The following NPEPPS variants were observed in gnomAD, a reference collection of about 807,000 sequenced individuals.
The protein encoded by NPEPPS is aminopeptidase puromycin sensitive, also known as puromycin-sensitive aminopeptidase.
In NPEPPS, 14 loss-of-function variants were observed where a neutral mutation model predicts 115.5. The observed-to-expected ratio is 0.12, with a 90% confidence interval of 0.08 to 0.19. The LOEUF (loss-of-function observed/expected upper bound fraction) is 0.19, where lower values mean the gene tolerates loss of function less well. NPEPPS is among the 10% of genes least tolerant of loss of function. The pLI is 1.00. For missense variants in NPEPPS, 523 were observed against 1,110.8 expected, an observed-to-expected ratio of 0.47 and a Z score of 7.52; for synonymous variants, 285 against 390.6, an observed-to-expected ratio of 0.73 and a Z score of 3.19.
At chr17:47,602,052 A>G (rs1212037670) in intron 15 of NPEPPS, 1 of 277,902 alleles carries the variant, frequency 3.6e-6, no homozygotes, top group African/African-American at 2.3e-5. Context: ...CTCCCCTGTC[A>G]TTGTAATGAA....
At chr17:47,600,435 G>C (rs1022876773) in intron 14 of NPEPPS, among the ~76,000 whole-genome samples, 2 of 152,006 alleles carry the variant, frequency 1.3e-5, no homozygotes, top group Non-Finnish European at 2.9e-5. Flanking sequence ...GACCCTGTCT[G>C]GGGGGAGAAA....
chr17:47,594,257 T>C (rs781680871), intron 12 of NPEPPS, among the ~76,000 whole-genome samples: 2 of 152,228 alleles, frequency 1.3e-5, no homozygotes, highest in Non-Finnish European at 2.9e-5. Context: ...AAGACATTAC[T>C]ATACACTACT....
intron 3 of NPEPPS, among the ~76,000 whole-genome samples, chr17:47,575,037 A>T (rs1047202290): frequency 6.6e-6 from 1 of 152,266 alleles, no homozygotes; most frequent in Non-Finnish European, 1.5e-5. Context: ...GTTTAACTGA[A>T]AAGTCTGCAC....
rs1279350493 is a variant in NPEPPS at position 47,545,980 on chromosome 17, A to G, written c.327A>G (p.Pro109=). 2 of 1,544,282 alleles carry G rather than the reference A, an allele frequency of 1.3e-6. No individual in the cohort carries two copies. The highest frequency in any genetic ancestry group is 1.7e-6 in the Non-Finnish European group (2 of 1,143,900). The change falls in exon 2 of 23, where the codon CCA becomes CCG. Residue 109 remains proline (P), a synonymous_variant. Coordinates refer to ENST00000322157, the MANE Select transcript of NPEPPS (RefSeq NM_006310.4). ...DIDIITASYA[P]EGDEEIHATG... ...ATATTATTACAGCTTCATATGCACC[A>G]GAAGGAGATGAAGGTAAGAGCTGTT...
At chr17:47,562,795 A>G (rs1356694701) in intron 2 of NPEPPS, among the ~76,000 whole-genome samples, 1 of 151,686 alleles carries the variant, frequency 6.6e-6, no homozygotes, top group East Asian at 1.9e-4. Flanking sequence ...TAAAAAAAAA[A>G]AAGAATCTCT....
chr17:47,608,224 G>C (rs1002661779), intron 17 of NPEPPS, among the ~76,000 whole-genome samples: 1 of 152,164 alleles, frequency 6.6e-6, no homozygotes, highest in African/African-American at 2.4e-5. Context: ...GAAGGCTGAG[G>C]GGGGTGGAAC....
At chr17:47,526,958 A>AAAAAC (rs1041858130), upstream of NPEPPS, among the ~76,000 whole-genome samples, 44 of 152,058 alleles carry the variant, frequency 2.9e-4, no homozygotes, top group African/African-American at 6.8e-4. Flanking sequence ...ACTCTGTCTC[A>AAAAAC]AAAACAAAAC....
chr17:47,601,199 C>T (rs1271816490), intron 14 of NPEPPS, among the ~76,000 whole-genome samples: 1 of 151,926 alleles, frequency 6.6e-6, no homozygotes, highest in Non-Finnish European at 1.5e-5. Flanking sequence ...CACGCCACCG[C>T]ACTCCAGCCT....
chr17:47,559,738 C>T (rs984529121), intron 2 of NPEPPS: 3 of 447,802 alleles, frequency 6.7e-6, no homozygotes, highest in Admixed American at 2.5e-5. Flanking sequence ...GTCATTTACT[C>T]AAGCCTCTTG....
At chr17:47,571,512 A>G (rs1567852369) in intron 3 of NPEPPS, among the ~76,000 whole-genome samples, 1 of 152,102 alleles carries the variant, frequency 6.6e-6, no homozygotes, top group Admixed American at 6.6e-5. Flanking sequence ...AGGTCAGGAG[A>G]TCGAGACCAT....
chr17:47,534,879 A>T (rs1483756568), intron 1 of NPEPPS, among the ~76,000 whole-genome samples: 4 of 151,760 alleles, frequency 2.6e-5, no homozygotes, highest in Non-Finnish European at 4.4e-5. Flanking sequence ...AACTTAGTGG[A>T]TTTTTAACCT....
At chr17:47,579,671 A>G (rs1159768286) in intron 4 of NPEPPS, 160 bp downstream of exon 4, 2 of 525,904 alleles carry the variant, frequency 3.8e-6, no homozygotes, top group East Asian at 3.6e-5. Context: ...CATTATCTCT[A>G]TAGAAAGGAG....
At chr17:47,594,016 G>T (rs1261338337) in intron 12 of NPEPPS, among the ~76,000 whole-genome samples, 2 of 152,186 alleles carry the variant, frequency 1.3e-5, no homozygotes, top group Non-Finnish European at 2.9e-5. Flanking sequence ...TTAGCTGGGT[G>T]TGGTGGCATG....
At position 47,546,073 on chromosome 17, in the gene NPEPPS, T is replaced by TGTGTGTGAGAGA. The variant is rs148357525; in HGVS notation, c.340+81_340+82insTGTGTGAGAGAG. The TGTGTGTGAGAGA allele has an allele frequency of 6.6e-3, 8,303 of 1,258,200 alleles. 57 individuals are homozygous for TGTGTGTGAGAGA. In the East Asian group the frequency reaches 0.078, roughly 12 times the overall value. The allele number at this position is 1,258,200 out of a possible 1,614,324, so 77.9% of individuals were successfully genotyped here. A position where few individuals can be genotyped will look rare whatever the true frequency, so the allele number is the denominator to read the frequency against. Reference sequence around the variant, plus strand: ...GTGTGTGTGTGTGTGTGTGTGTGTGTGAGAGAGAGAGAGAGAGAGACATTT... The same window carrying TGTGTGTGAGAGA: ...GTGTGTGTGTGTGTGTGTGTGTGTGTGTGTGTGAGAGAGAGAGAGAGAGAGAGAGAGACATTT... On this transcript the variant is annotated intron_variant, in intron 2 of 22. Coordinates refer to ENST00000322157, the MANE Select transcript of NPEPPS (RefSeq NM_006310.4).
At chr17:47,594,629 A>AGGTTATGTTATGT (rs1912738476) in intron 12 of NPEPPS, among the ~76,000 whole-genome samples, 1 of 144,760 alleles carries the variant, frequency 6.9e-6, no homozygotes, top group African/African-American at 2.6e-5. Context: ...ATGTTATGTT[A>AGGTTATGTTATGT]TGTTATGTTA....
intron 4 of NPEPPS, 93 bp downstream of exon 4, chr17:47,579,604 A>G: frequency 2.1e-6 from 3 of 1,403,034 alleles, no homozygotes; most frequent in Non-Finnish European, 2.9e-6. Context: ...ATTTGAGGCT[A>G]GGTGCCCTTG....
At chr17:47,603,287 C>G (rs1913331347) in intron 15 of NPEPPS, among the ~76,000 whole-genome samples, 1 of 152,078 alleles carries the variant, frequency 6.6e-6, no homozygotes, top group East Asian at 1.9e-4. Context: ...TGGCGGGTGC[C>G]TGTAATCCCA....
At chr17:47,562,605 A>AGTGTGT (rs1491300434) in intron 2 of NPEPPS, among the ~76,000 whole-genome samples, 5 of 109,728 alleles carry the variant, frequency 4.6e-5, no homozygotes, top group African/African-American at 1.4e-4. Context: ...TTTTTGATGC[A>AGTGTGT]GAGTGTGTGT....
Position 47,609,297 on chromosome 17 carries a change from G to A in NPEPPS, c.2096-3163G>A, listed in dbSNP as rs1345394082. Among the ~76,000 whole-genome samples, 4 of 152,110 alleles carry A rather than the reference G, an allele frequency of 2.6e-5. No homozygotes were observed. In the East Asian group the frequency reaches 7.7e-4, roughly 29 times the overall value. ...ACAGATGAATAGTGACAGGATAGGA[G>A]TACATGGACACAGATGCAGGTAAAT... On this transcript the variant is annotated intron_variant, in intron 17 of 22. Transcript: ENST00000322157.
Sources: allele counts gnomAD v4.1 joint callset (sites outside exome capture counted in the v4.1 genomes callset), GRCh38; gene constraint gnomAD v4.1.1; transcripts MANE v1.5; gene names NCBI Gene and HGNC (gene_info 2026-07-23, HGNC 2026-07-21).